NRXN3: variants seen among roughly 807,000 people sequenced by gnomAD.
The protein encoded by NRXN3 is neurexin III.
Under a neutral mutation model 137.6 loss-of-function variants are expected in NRXN3, and 32 were observed. The observed-to-expected ratio is 0.23, with a 90% CI of 0.18 to 0.31. NRXN3 has a LOEUF of 0.31. NRXN3 is among the 10% of genes least tolerant of loss of function. The pLI is 1.00. For missense variants in NRXN3, 1,574 were observed against 2,062.5 expected (o/e 0.76, Z 4.59); for synonymous variants, 798 against 784.5 (o/e 1.02, Z -0.29).
intron 15 of NRXN3, among the ~76,000 whole-genome samples, chr14:79,210,255 T>C (rs1187783080): frequency 6.6e-6 from 1 of 152,192 alleles, no homozygotes; most frequent in African/African-American, 2.4e-5. Flanking sequence ...TATTTTGAGA[T>C]CAAGTGCTAA....
At chr14:79,265,231 CTTTTTTTTTT>C (rs936690790) in intron 15 of NRXN3, among the ~76,000 whole-genome samples, 50 of 91,892 alleles carry the variant, frequency 5.4e-4, no homozygotes, top group African/African-American at 1.8e-3. Flanking sequence ...GGGGGTTGCT[CTTTTTTTTTT>C]TTTTTTTTTT....
At chr14:78,908,883 T>A (rs1034722109) in intron 10 of NRXN3, among the ~76,000 whole-genome samples, 2 of 152,140 alleles carry the variant, frequency 1.3e-5, no homozygotes, top group Non-Finnish European at 2.9e-5. Flanking sequence ...AAACTCATTT[T>A]AAGGAGGAAC....
chr14:79,501,562 C>T (rs1357026231), intron 16 of NRXN3, among the ~76,000 whole-genome samples: 1 of 152,102 alleles, frequency 6.6e-6, no homozygotes, highest in Admixed American at 6.6e-5. Flanking sequence ...TCCATCACAG[C>T]CTGATAGCTA....
chr14:78,365,397 C>T (rs1050413579), intron 4 of NRXN3, among the ~76,000 whole-genome samples: 1 of 152,178 alleles, frequency 6.6e-6, no homozygotes, highest in Non-Finnish European at 1.5e-5. Flanking sequence ...TTACTCCATG[C>T]AGACATTCAG....
intron 15 of NRXN3, among the ~76,000 whole-genome samples, chr14:78,991,801 A>G (rs1022398289): frequency 4.6e-5 from 7 of 152,194 alleles, no homozygotes; most frequent in Admixed American, 4.6e-4. Context: ...ATTGCCTGAC[A>G]ATGTTAATGT....
chr14:79,639,365 C>G (rs1444881043), intron 16 of NRXN3, among the ~76,000 whole-genome samples: 1 of 152,174 alleles, frequency 6.6e-6, no homozygotes. Context: ...TCTCCTTCCT[C>G]CTACCCTCTA....
chr14:79,410,850 C>A (rs944006448), intron 15 of NRXN3, among the ~76,000 whole-genome samples: 2 of 152,024 alleles, frequency 1.3e-5, no homozygotes, highest in Non-Finnish European at 2.9e-5. Context: ...TGAAGCTCGC[C>A]ACAAAATTTG....
chr14:78,558,741 G>A (rs566284345), intron 4 of NRXN3, among the ~76,000 whole-genome samples: 15 of 152,288 alleles, frequency 9.8e-5, no homozygotes. Context: ...GTTTCAAGGT[G>A]TGTGGACTAA....
At chr14:79,301,495 G>A (rs539665813) in intron 15 of NRXN3, among the ~76,000 whole-genome samples, 18 of 152,062 alleles carry the variant, frequency 1.2e-4, no homozygotes, top group African/African-American at 3.9e-4. Context: ...CTGTCATCTC[G>A]GTAGTTATTG....
chr14:78,285,972 G>C (rs189614082), intron 3 of NRXN3, among the ~76,000 whole-genome samples: 1 of 152,158 alleles, frequency 6.6e-6, no homozygotes, highest in Non-Finnish European at 1.5e-5. Context: ...GAGTAAGTGT[G>C]AGTAAGGAGC....
At chr14:78,898,706 C>T (rs1216185169) in intron 10 of NRXN3, among the ~76,000 whole-genome samples, 2 of 151,558 alleles carry the variant, frequency 1.3e-5, no homozygotes, top group East Asian at 3.9e-4. Context: ...TTACTTTGCC[C>T]ATCTATCTTT....
chr14:78,455,456 G>A (rs370091443), intron 4 of NRXN3, among the ~76,000 whole-genome samples: 1 of 152,328 alleles, frequency 6.6e-6, no homozygotes. Context: ...AGGGGCTTGC[G>A]CATATATCCG....
intron 4 of NRXN3, among the ~76,000 whole-genome samples, chr14:78,467,177 G>A (rs1367785857): frequency 6.6e-6 from 1 of 152,086 alleles, no homozygotes; most frequent in Non-Finnish European, 1.5e-5. Flanking sequence ...GACCTCTCAC[G>A]ACTGTGCCTC....
intron 4 of NRXN3, among the ~76,000 whole-genome samples, chr14:78,416,578 A>G (rs1124299): frequency 0.76 from 115,634 of 152,140 alleles, 44,854 homozygotes; most frequent in Middle Eastern, 0.84. Context: ...GTCACTCCCC[A>G]TGAGCTCTGG....
chr14:79,784,148 C>A (rs1353376541), intron 19 of NRXN3, among the ~76,000 whole-genome samples: 4 of 152,256 alleles, frequency 2.6e-5, no homozygotes, highest in East Asian at 3.9e-4. Context: ...TTAAATATCC[C>A]AGCCTTAGCT....
rs368554948 is a variant in NRXN3 at position 79,470,901 on chromosome 14, A to AGTGTGT, written c.3444+3513_3444+3518dup. Among the ~76,000 whole-genome samples, 4 of 118,054 alleles carry AGTGTGT rather than the reference A, an allele frequency of 3.4e-5. 1 individual carries two copies. The highest frequency in any genetic ancestry group is 1.6e-4 in the African/African-American group (4 of 25,360). The allele number at this position is 118,054 out of a possible 152,430, so 77.4% of individuals were successfully genotyped here. A position where few individuals can be genotyped will look rare whatever the true frequency, so the allele number is the denominator to read the frequency against. On this transcript the variant is annotated intron_variant, in intron 16 of 20. Transcript: ENST00000335750. ...GAGAGAGAGAGAAAGAGAGAGAGAG[A>AGTGTGT]GTGTGTGTGTGTGTGTGTGAGAGAG...
chr14:78,835,097 G>A (rs1251536513), intron 10 of NRXN3, among the ~76,000 whole-genome samples: 1 of 152,100 alleles, frequency 6.6e-6, no homozygotes. Flanking sequence ...CCCTTCAGCT[G>A]TCTGCTTTTT....
At chr14:79,543,292 C>T (rs2097290759) in intron 16 of NRXN3, among the ~76,000 whole-genome samples, 1 of 152,204 alleles carries the variant, frequency 6.6e-6, no homozygotes, top group Non-Finnish European at 1.5e-5. Context: ...CCTTTCATGA[C>T]ATATTCCAGC....
intron 1 of NRXN3, among the ~76,000 whole-genome samples, chr14:78,208,746 G>C (rs563506782): frequency 6.6e-6 from 1 of 152,290 alleles, no homozygotes; most frequent in Non-Finnish European, 1.5e-5. Context: ...ACTTGATGAG[G>C]CTATGTGAGG....
Sources: allele counts gnomAD v4.1 joint callset (sites outside exome capture counted in the v4.1 genomes callset), GRCh38; gene constraint gnomAD v4.1.1; transcripts MANE v1.5; gene names NCBI Gene and HGNC (gene_info 2026-07-23, HGNC 2026-07-21).